The following SORCS3 variants were observed in gnomAD, a reference collection of about 807,000 sequenced individuals.
SORCS3 encodes sortilin related VPS10 domain containing receptor 3, also known as VPS10 domain-containing receptor SorCS3.
SORCS3 carries 57 observed loss-of-function variants against 146.3 expected under a neutral mutation model. The observed-to-expected ratio is 0.39, with a 90% CI of 0.31 to 0.49. The LOEUF is 0.49. Ranked by LOEUF, SORCS3 falls within the 20% of genes least tolerant of loss-of-function variation. The probability of loss-of-function intolerance (pLI) is 0.92; values close to 1 mark genes in which losing one functional copy is unlikely to be tolerated. For missense variants in SORCS3, 1,341 were observed against 1,575.5 expected (o/e 0.85, Z 2.52); for synonymous variants, 653 against 618.5 (o/e 1.06, Z -0.83).
chr10:105,021,056 A>G (rs1469740997), intron 4 of SORCS3, among the ~76,000 whole-genome samples: 1 of 152,206 alleles, frequency 6.6e-6, no homozygotes, highest in Non-Finnish European at 1.5e-5. Flanking sequence ...CCATTGCTAG[A>G]TTCTCAGATG....
chr10:104,950,797 A>C (rs550082221), intron 3 of SORCS3, among the ~76,000 whole-genome samples: 12 of 152,222 alleles, frequency 7.9e-5, no homozygotes, highest in Non-Finnish European at 1.5e-4. Flanking sequence ...CAAGATTTTG[A>C]ATGTTCAACG....
At chr10:104,821,445 C>T (rs1288914559) in intron 1 of SORCS3, among the ~76,000 whole-genome samples, 1 of 152,138 alleles carries the variant, frequency 6.6e-6, no homozygotes, top group African/African-American at 2.4e-5. Context: ...TTCCTGGGGA[C>T]ACCGGTGAGG....
intron 1 of SORCS3, among the ~76,000 whole-genome samples, chr10:104,663,956 C>A (rs1048164651): frequency 6.6e-6 from 1 of 152,104 alleles, no homozygotes; most frequent in African/African-American, 2.4e-5. Context: ...CCAAAGGTAA[C>A]TTTTATGCCA....
At chr10:104,787,997 C>T (rs2017457542) in intron 1 of SORCS3, among the ~76,000 whole-genome samples, 1 of 152,164 alleles carries the variant, frequency 6.6e-6, no homozygotes, top group African/African-American at 2.4e-5. Flanking sequence ...AGCCTCCTTC[C>T]AGCTCCTGTG....
chr10:105,152,520 A>G (rs1247249771), intron 9 of SORCS3, among the ~76,000 whole-genome samples: 2 of 152,204 alleles, frequency 1.3e-5, no homozygotes, highest in East Asian at 3.8e-4. Context: ...AATTTTCACC[A>G]GAAATACTTG....
intron 3 of SORCS3, among the ~76,000 whole-genome samples, chr10:104,953,977 A>G (rs2019460784): frequency 6.6e-6 from 1 of 152,170 alleles, no homozygotes; most frequent in Admixed American, 6.5e-5. Flanking sequence ...GTGTGTGCTA[A>G]TAGCTGTCTG....
At chr10:104,728,586 A>G (rs939013966) in intron 1 of SORCS3, among the ~76,000 whole-genome samples, 36 of 152,322 alleles carry the variant, frequency 2.4e-4, no homozygotes, top group African/African-American at 8.7e-4. Flanking sequence ...GATATACTGC[A>G]CTAAATATGA....
At chr10:104,842,654 C>G in intron 1 of SORCS3, 138 bp from the exon 2 acceptor site, 4 of 618,522 alleles carry the variant, frequency 6.5e-6, no homozygotes, top group Admixed American at 5.8e-5. Flanking sequence ...TATAATACCC[C>G]GCAACTCAAT....
At chr10:104,908,304 T>C (rs1023203198) in intron 2 of SORCS3, among the ~76,000 whole-genome samples, 2 of 152,338 alleles carry the variant, frequency 1.3e-5, no homozygotes, top group South Asian at 4.1e-4. Flanking sequence ...CTTTAATGAT[T>C]TATTGGGTAT....
chr10:105,173,615 G>GAGATTCATTTCCTTGAATCC (rs2056377771), intron 13 of SORCS3, among the ~76,000 whole-genome samples: 3 of 152,256 alleles, frequency 2.0e-5, no homozygotes, highest in Admixed American at 1.3e-4. Flanking sequence ...TTTGGGTGTT[G>GAGATTCATTTCCTTGAATCC]ACAATCCGTT....
At chr10:104,971,804 T>C (rs1236159184) in intron 3 of SORCS3, among the ~76,000 whole-genome samples, 1 of 151,938 alleles carries the variant, frequency 6.6e-6, no homozygotes, top group Non-Finnish European at 1.5e-5. Flanking sequence ...AAATTGAGTA[T>C]CCAAATGAAA....
chr10:104,963,866 A>C (rs2054811497), intron 3 of SORCS3, among the ~76,000 whole-genome samples: 1 of 152,192 alleles, frequency 6.6e-6, no homozygotes, highest in African/African-American at 2.4e-5. Flanking sequence ...TATTAGAAAC[A>C]TTGAGATGAA....
At chr10:104,873,007 T>C (rs1341636591) in intron 2 of SORCS3, among the ~76,000 whole-genome samples, 1 of 152,146 alleles carries the variant, frequency 6.6e-6, no homozygotes, top group East Asian at 1.9e-4. Context: ...CAGACAAACA[T>C]ACACATTTGA....
intron 4 of SORCS3, among the ~76,000 whole-genome samples, chr10:105,014,035 C>T (rs2055150174): frequency 6.7e-6 from 1 of 149,636 alleles, no homozygotes; most frequent in Admixed American, 6.7e-5. Context: ...ACAAATGGTA[C>T]AGAATAGAGA....
At chr10:104,921,373 C>G (rs775113214) in intron 3 of SORCS3, among the ~76,000 whole-genome samples, 136 of 152,200 alleles carry the variant, frequency 8.9e-4, no homozygotes, top group Middle Eastern at 3.4e-3. Context: ...TACTCTGGCT[C>G]CAAAGTGACT....
At chr10:104,998,112 A>G (rs1435339985) in intron 4 of SORCS3, among the ~76,000 whole-genome samples, 1 of 152,196 alleles carries the variant, frequency 6.6e-6, no homozygotes, top group African/African-American at 2.4e-5. Flanking sequence ...AAAGAGGTTC[A>G]GTTGGGAAGA....
chr10:104,896,764 C>A (rs1384962810), intron 2 of SORCS3, among the ~76,000 whole-genome samples: 5 of 152,178 alleles, frequency 3.3e-5, no homozygotes, highest in Non-Finnish European at 7.3e-5. Flanking sequence ...AGTTTAGTGT[C>A]CAGAAATAAC....
intron 2 of SORCS3, among the ~76,000 whole-genome samples, chr10:104,849,542 C>T (rs1023595868): frequency 3.3e-5 from 5 of 151,464 alleles, no homozygotes; most frequent in Non-Finnish European, 7.4e-5. Flanking sequence ...TGGATTCAAA[C>T]AGCCTGGATG....
At chr10:104,969,303 T>TG in intron 3 of SORCS3, among the ~76,000 whole-genome samples, 1 of 140,558 alleles carries the variant, frequency 7.1e-6, no homozygotes. Flanking sequence ...TCAAAAAGGA[T>TG]TGTGTGTGTG....
Sources: gnomAD v4.1 joint callset for allele counts (sites outside exome capture counted in the v4.1 genomes callset) on GRCh38, gnomAD v4.1.1 for gene constraint, MANE v1.5 for transcripts, NCBI Gene and HGNC (gene_info 2026-07-23, HGNC 2026-07-21) for gene names.